FGGY: variants seen among roughly 807,000 people sequenced by gnomAD.
FGGY encodes FGGY carbohydrate kinase domain containing, also known as FGGY carbohydrate kinase domain-containing protein.
FGGY carries 72 observed loss-of-function variants against 71.3 expected under a neutral mutation model. That is an observed-to-expected ratio of 1.01 (90% confidence interval 0.84 to 1.23). The LOEUF (loss-of-function observed/expected upper bound fraction) is 1.23. FGGY is among the 50% of genes most tolerant of loss of function. The pLI is 0.00. For synonymous variants in FGGY, 251 were observed against 250.3 expected (o/e 1.00, Z -0.02); for missense variants, 668 against 682.3 (o/e 0.98, Z 0.23).
chr1:59,355,492 A>C (rs2054140301), intron 4 of FGGY, among the ~76,000 whole-genome samples: 1 of 152,116 alleles, frequency 6.6e-6, no homozygotes, highest in African/African-American at 2.4e-5. Context: ...TTTCCATTCA[A>C]AGCTTGTAGT....
At chr1:59,404,172 T>A (rs2062392883) in intron 5 of FGGY, among the ~76,000 whole-genome samples, 1 of 151,930 alleles carries the variant, frequency 6.6e-6, no homozygotes, top group South Asian at 2.1e-4. Context: ...AAAATATACC[T>A]TTGGGAGGGG....
chr1:59,664,071 C>G (rs774396551), intron 12 of FGGY, among the ~76,000 whole-genome samples: 1 of 152,132 alleles, frequency 6.6e-6, no homozygotes, highest in African/African-American at 2.4e-5. Context: ...GTCAACCACC[C>G]GGTTTATCCA....
rs529526476 is a variant in FGGY, at chr1:59,370,531, A to G, written c.466-8218A>G. Among the ~76,000 whole-genome samples the G allele has an allele frequency of 2.4e-3, 372 of 152,140 alleles. 1 individual carries two copies. The highest frequency in any genetic ancestry group is 3.7e-3 in the Non-Finnish European group (250 of 68,002). ...CCCCAATCTAGCAAGGCAGGCCAACATTCAGATTCAGGAAATACAGAGAAC... is the reference window on the plus strand; with the variant it reads ...CCCCAATCTAGCAAGGCAGGCCAACGTTCAGATTCAGGAAATACAGAGAAC... On this transcript the variant is annotated intron_variant, in intron 4 of 15. Coordinates refer to ENST00000303721, the MANE Select transcript of FGGY (RefSeq NM_018291.5).
At chr1:59,623,547 G>A (rs1298013807) in intron 9 of FGGY, among the ~76,000 whole-genome samples, 2 of 152,094 alleles carry the variant, frequency 1.3e-5, no homozygotes, top group African/African-American at 2.4e-5. Flanking sequence ...CCCATGTTAT[G>A]CCAGGCATGA....
intron 7 of FGGY, among the ~76,000 whole-genome samples, chr1:59,524,626 T>C (rs2094926943): frequency 6.6e-6 from 1 of 152,132 alleles, no homozygotes. Context: ...CTACCCACTT[T>C]GGGTTTCTCC....
At chr1:59,378,858 A>G in intron 5 of FGGY, 21 bp downstream of exon 5, 1 of 1,593,676 alleles carries the variant, frequency 6.3e-7, no homozygotes, top group Non-Finnish European at 8.6e-7. Flanking sequence ...TACAAGTTGG[A>G]TTGTGTTTGC....
chr1:59,686,042 T>C (rs2097541373), intron 14 of FGGY, among the ~76,000 whole-genome samples: 1 of 152,232 alleles, frequency 6.6e-6, no homozygotes, highest in Non-Finnish European at 1.5e-5. Flanking sequence ...GGAACTCTTA[T>C]AGAAGAAGGC....
rs76917526 is a variant in FGGY at position 59,418,771 on chromosome 1, T to C, written c.555-38190T>C. On this transcript the variant is annotated intron_variant, in intron 5 of 15. Coordinates refer to ENST00000303721, the MANE Select transcript of FGGY (RefSeq NM_018291.5). The stretch of plus-strand genomic sequence containing the variant: ...CCAAGCTTAACTTTTCTCTTTAACA[T>C]AGTGAGTTTGGGGTCCAAAGATTTT... Among the ~76,000 whole-genome samples the C allele has an allele frequency of 6.3e-3, 954 of 152,226 alleles. 2 individuals are homozygous for C. The highest frequency in any genetic ancestry group is 0.011 in the South Asian group (55 of 4,818).
chr1:59,574,085 C>CACTT (rs1314594285), intron 8 of FGGY, among the ~76,000 whole-genome samples: 1 of 152,184 alleles, frequency 6.6e-6, no homozygotes, highest in African/African-American at 2.4e-5. Flanking sequence ...AGTTGCCATA[C>CACTT]ACTTGGTGGC....
At chr1:59,303,451 T>A (rs1300536288) in intron 1 of FGGY, among the ~76,000 whole-genome samples, 3 of 152,222 alleles carry the variant, frequency 2.0e-5, no homozygotes, top group African/African-American at 7.2e-5. Flanking sequence ...TAAGACTGAA[T>A]AATATTCCAT....
In FGGY at chr1:59,682,264, G is replaced by C. The variant is rs375667076; in HGVS notation, c.1512+8131G>C. Among the ~76,000 whole-genome samples the C allele has an allele frequency of 9.2e-5, 14 of 152,224 alleles. No homozygotes were observed. In the East Asian group the frequency reaches 1.2e-3, roughly 13 times the overall value. The stretch of plus-strand genomic sequence containing the variant: ...AAGACTGTTCAGCTCAGCCACAAGT[G>C]GAAATGGATTCTTATGGGGCTAAGT... On this transcript the variant is annotated intron_variant, in intron 14 of 15. Transcript: ENST00000303721.
chr1:59,411,044 A>G (rs2063533078), intron 5 of FGGY, among the ~76,000 whole-genome samples: 1 of 152,214 alleles, frequency 6.6e-6, no homozygotes, highest in Admixed American at 6.5e-5. Context: ...ACTATTACTC[A>G]GTCTACAGAC....
intron 8 of FGGY, among the ~76,000 whole-genome samples, chr1:59,571,949 A>G (rs928908529): frequency 1.3e-5 from 2 of 152,314 alleles, no homozygotes; most frequent in Non-Finnish European, 2.9e-5. Context: ...AAAGACAAGC[A>G]AGGGAATAAT....
chr1:59,571,768 A>C (rs928782370), intron 8 of FGGY, among the ~76,000 whole-genome samples: 2 of 152,248 alleles, frequency 1.3e-5, no homozygotes, highest in African/African-American at 4.8e-5. Context: ...CATACTTAAA[A>C]TGTAGGAACT....
chr1:59,319,043 G>A (rs914509048), intron 1 of FGGY, among the ~76,000 whole-genome samples: 2 of 152,228 alleles, frequency 1.3e-5, no homozygotes, highest in Non-Finnish European at 2.9e-5. Flanking sequence ...TGTATCCTCA[G>A]CAGGCTTCCT....
At chr1:59,411,358 C>T (rs1219892974) in intron 5 of FGGY, among the ~76,000 whole-genome samples, 1 of 152,220 alleles carries the variant, frequency 6.6e-6, no homozygotes, top group Non-Finnish European at 1.5e-5. Flanking sequence ...GCCGATTTAT[C>T]GTATCACAGG....
At chr1:59,584,165 G>T (rs1181927953) in intron 8 of FGGY, among the ~76,000 whole-genome samples, 1 of 149,708 alleles carries the variant, frequency 6.7e-6, no homozygotes, top group Non-Finnish European at 1.5e-5. Flanking sequence ...CTCATTTTAT[G>T]AGGCCAGCAA....
At chr1:59,690,732 A>G (rs2097581194) in intron 14 of FGGY, among the ~76,000 whole-genome samples, 1 of 152,234 alleles carries the variant, frequency 6.6e-6, no homozygotes, top group Non-Finnish European at 1.5e-5. Flanking sequence ...CTGGCTAAGA[A>G]GGCAGCCACC....
intron 7 of FGGY, among the ~76,000 whole-genome samples, chr1:59,544,174 C>G (rs1238827795): frequency 1.3e-5 from 2 of 152,094 alleles, no homozygotes; most frequent in Admixed American, 6.5e-5. Flanking sequence ...GAGAAGCATA[C>G]ACATTTATGT....
Sources: gnomAD v4.1 joint callset for allele counts (sites outside exome capture counted in the v4.1 genomes callset) on GRCh38, gnomAD v4.1.1 for gene constraint, MANE v1.5 for transcripts, NCBI Gene and HGNC (gene_info 2026-07-23, HGNC 2026-07-21) for gene names.